The following PACRG variants were observed in gnomAD, a reference collection of about 807,000 sequenced individuals.
The protein encoded by PACRG is parkin coregulated gene protein.
PACRG carries 29 observed loss-of-function variants against 29.7 expected under a neutral mutation model. The ratio of observed to expected loss-of-function variants is 0.98; its 90% CI spans 0.73 to 1.33. The LOEUF is 1.33. PACRG is among the 40% of genes most tolerant of loss of function. The probability of loss-of-function intolerance (pLI) is 0.00; values close to 1 mark genes in which losing one functional copy is unlikely to be tolerated. For synonymous variants in PACRG, 116 were observed against 118.7 expected, an observed-to-expected ratio of 0.98 and a Z score of 0.15; for missense variants, 279 against 316.2, an observed-to-expected ratio of 0.88 and a Z score of 0.89.
intron 1 of PACRG, among the ~76,000 whole-genome samples, chr6:162,757,370 G>A (rs1414226271): frequency 2.0e-5 from 3 of 152,080 alleles, no homozygotes; most frequent in Non-Finnish European, 2.9e-5. Flanking sequence ...TAACATGGGG[G>A]CCACACACTG....
At chr6:163,167,158 C>G (rs902941006) in intron 4 of PACRG, among the ~76,000 whole-genome samples, 2 of 152,192 alleles carry the variant, frequency 1.3e-5, no homozygotes, top group African/African-American at 4.8e-5. Context: ...GCTGGTAAAA[C>G]ACAAAGTTAT....
intron 4 of PACRG, among the ~76,000 whole-genome samples, chr6:163,285,701 T>C (rs1384443544): frequency 3.9e-5 from 6 of 152,206 alleles, no homozygotes; most frequent in African/African-American, 9.7e-5. Flanking sequence ...CCACAGCTCC[T>C]GCACAGGCAG....
chr6:163,073,023 C>T (rs537587775), intron 3 of PACRG, among the ~76,000 whole-genome samples: 3 of 152,270 alleles, frequency 2.0e-5, no homozygotes, highest in African/African-American at 4.8e-5. Context: ...AATGTCCATA[C>T]TACCCAAAGC....
chr6:162,804,537 G>A (rs977269235), intron 1 of PACRG, among the ~76,000 whole-genome samples: 9 of 152,082 alleles, frequency 5.9e-5, no homozygotes, highest in African/African-American at 2.2e-4. Context: ...TACCAGTAAT[G>A]TTCATAAAGC....
At chr6:163,163,976 G>A (rs1375329800) in intron 4 of PACRG, among the ~76,000 whole-genome samples, 1 of 152,062 alleles carries the variant, frequency 6.6e-6, no homozygotes, top group Non-Finnish European at 1.5e-5. Context: ...TCAAAGAACA[G>A]CCTTTCTCAG....
chr6:163,145,359 T>C (rs1777752404), intron 4 of PACRG, among the ~76,000 whole-genome samples: 1 of 152,248 alleles, frequency 6.6e-6, no homozygotes, highest in African/African-American at 2.4e-5. Context: ...ACTTTTTGTA[T>C]AATCAAACCT....
chr6:163,258,999 A>G (rs1050119071), intron 4 of PACRG, among the ~76,000 whole-genome samples: 1 of 152,226 alleles, frequency 6.6e-6, no homozygotes, highest in African/African-American at 2.4e-5. Context: ...ACAAAGTTGT[A>G]GATTGTGTCA....
rs142765225 is a variant in PACRG at position 163,283,526 on chromosome 6, C to T, written c.614-31301C>T. 3.4e-3 allele frequency among the ~76,000 whole-genome samples: 519 copies of T among 152,190 alleles called. 7 individuals are homozygous for T. Among genetic ancestry groups the T allele is most frequent in the East Asian group, 0.022 (114 of 5,176 alleles). ...CAATAAAAACAAATTTAGGGCCGGG[C>T]GCGGTGGCTCACGCCTGTAATCCCA... is the stretch of plus-strand genomic sequence containing the variant. On this transcript the variant is annotated intron_variant, in intron 4 of 4. Coordinates refer to ENST00000366888, the MANE Select transcript of PACRG (RefSeq NM_001080379.2).
intron 1 of PACRG, among the ~76,000 whole-genome samples, chr6:162,784,268 G>A (rs545503589): frequency 7.9e-5 from 12 of 152,160 alleles, no homozygotes; most frequent in African/African-American, 2.9e-4. Context: ...AGTTAATTAA[G>A]CATGGCCATT....
chr6:162,899,078 G>A (rs1345461861), intron 2 of PACRG, among the ~76,000 whole-genome samples: 1 of 152,170 alleles, frequency 6.6e-6, no homozygotes, highest in African/African-American at 2.4e-5. Context: ...GAGCTATCAA[G>A]GTTATATTGT....
chr6:162,871,450 A>G (rs1792796426), intron 2 of PACRG, among the ~76,000 whole-genome samples: 1 of 152,214 alleles, frequency 6.6e-6, no homozygotes, highest in Non-Finnish European at 1.5e-5. Flanking sequence ...CTATAGCAAT[A>G]ATTTAAGATC....
chr6:163,158,311 G>T (rs879401153), intron 4 of PACRG, among the ~76,000 whole-genome samples: 3 of 152,218 alleles, frequency 2.0e-5, no homozygotes, highest in Non-Finnish European at 4.4e-5. Flanking sequence ...CCGGTGATGA[G>T]GAGGAGGGAC....
intron 4 of PACRG, among the ~76,000 whole-genome samples, chr6:163,216,863 T>A (rs1362888244): frequency 3.3e-5 from 5 of 152,260 alleles, no homozygotes; most frequent in Admixed American, 6.5e-5. Flanking sequence ...TGTCTTTAAC[T>A]AGCACTGCAA....
intron 2 of PACRG, among the ~76,000 whole-genome samples, chr6:162,995,623 G>T (rs560175435): frequency 6.6e-6 from 1 of 152,358 alleles, no homozygotes; most frequent in Non-Finnish European, 1.5e-5. Flanking sequence ...TGCACCCACT[G>T]GCCTGCGCCC....
At chr6:162,885,120 C>G (rs1010538921) in intron 2 of PACRG, among the ~76,000 whole-genome samples, 1 of 152,054 alleles carries the variant, frequency 6.6e-6, no homozygotes, top group Admixed American at 6.6e-5. Context: ...GGTCTCCTTA[C>G]CCTTGTAGAG....
chr6:163,314,425 C>A (rs1437616576), intron 4 of PACRG, among the ~76,000 whole-genome samples: 1 of 152,138 alleles, frequency 6.6e-6, no homozygotes, highest in Non-Finnish European at 1.5e-5. Context: ...CAAAGCAGAT[C>A]CATTTTAAAT....
chr6:163,189,946 TA>T (rs1780129138), intron 4 of PACRG: 1 of 152,210 alleles, frequency 6.6e-6, no homozygotes, highest in Non-Finnish European at 1.5e-5. Context: ...TTCTATAAGC[TA>T]GGTCTGGTAA....
At chr6:163,173,921 G>A (rs746910734) in intron 4 of PACRG, among the ~76,000 whole-genome samples, 4 of 152,192 alleles carry the variant, frequency 2.6e-5, no homozygotes, top group Non-Finnish European at 4.4e-5. Context: ...ACTAAAGGAC[G>A]TCATTGTTCC....
chr6:162,873,783 C>A (rs35558028), intron 2 of PACRG, among the ~76,000 whole-genome samples: 2 of 151,970 alleles, frequency 1.3e-5, no homozygotes, highest in African/African-American at 4.8e-5. Context: ...TATCATCAGG[C>A]CAGCTTAAAA....
Sources: allele counts gnomAD v4.1 joint callset (sites outside exome capture counted in the v4.1 genomes callset), GRCh38; gene constraint gnomAD v4.1.1; transcripts MANE v1.5; gene names NCBI Gene and HGNC (gene_info 2026-07-23, HGNC 2026-07-21).